Variants in N4BP2L1 observed in about 807,000 individuals in gnomAD.
The protein encoded by N4BP2L1 is NEDD4 binding protein 2 like 1.
N4BP2L1 carries 12 observed loss-of-function variants against 21.2 expected under a neutral mutation model. The observed-to-expected ratio is 0.57, with a 90% CI of 0.36 to 0.92. The LOEUF (loss-of-function observed/expected upper bound fraction) is 0.92, where lower values mean the gene tolerates loss of function less well. N4BP2L1 is among the 40% of genes least tolerant of loss of function. The pLI is 0.01. For missense variants in N4BP2L1, 259 were observed against 310.6 expected, an observed-to-expected ratio of 0.83 and a Z score of 1.25; for synonymous variants, 104 against 112.8, an observed-to-expected ratio of 0.92 and a Z score of 0.49.
chr13:32,424,214 C>A (rs940410926), intron 1 of N4BP2L1, among the ~76,000 whole-genome samples: 4 of 152,184 alleles, frequency 2.6e-5, no homozygotes, highest in Non-Finnish European at 5.9e-5. Flanking sequence ...TACAATGAAG[C>A]CTTCACTTCA....
At chr13:32,417,038 A>C (rs2074186076) in intron 1 of N4BP2L1, among the ~76,000 whole-genome samples, 1 of 152,072 alleles carries the variant, frequency 6.6e-6, no homozygotes, top group East Asian at 1.9e-4. Flanking sequence ...GCTGGTCTCG[A>C]ACTCCTGACC....
intron 4 of N4BP2L1, 177 bp downstream of exon 4, chr13:32,404,144 G>T: frequency 6.2e-7 from 1 of 1,605,630 alleles, no homozygotes; most frequent in South Asian, 1.1e-5. Context: ...TTAGAAAACT[G>T]ACCCAAAACT....
chr13:32,402,811 C>A lies in N4BP2L1; in HGVS notation c.*131G>T. Reference sequence around the variant, plus strand: ...TTGGTGAAGAAAGTGAATATAATGACTTTGCTCAGAAACTTTTGAGTTCAG... The same window carrying A: ...TTGGTGAAGAAAGTGAATATAATGAATTTGCTCAGAAACTTTTGAGTTCAG... On this transcript the variant is annotated 3_prime_UTR_variant, in exon 5 of 5. Coordinates refer to ENST00000380130, the MANE Select transcript of N4BP2L1 (RefSeq NM_052818.3). The A allele has an allele frequency of 7.0e-7, 1 of 1,423,180 alleles. No homozygotes were observed. The highest frequency in any genetic ancestry group is 9.2e-7 in the Non-Finnish European group (1 of 1,085,548). The allele number at this position is 1,423,180 out of a possible 1,614,324, so 88.2% of individuals were successfully genotyped here. A position where few individuals can be genotyped will look rare whatever the true frequency, so the allele number is the denominator to read the frequency against.
At chr13:32,407,874 T>G in intron 1 of N4BP2L1, 102 bp from the exon 2 acceptor site, 1 of 1,330,458 alleles carries the variant, frequency 7.5e-7, no homozygotes. Flanking sequence ...TTTATAATTC[T>G]GAGACCACCA....
At chr13:32,419,995 AG>A (rs1442454574) in intron 1 of N4BP2L1, among the ~76,000 whole-genome samples, 1 of 152,206 alleles carries the variant, frequency 6.6e-6, no homozygotes, top group Non-Finnish European at 1.5e-5. Context: ...GAACCTGGGC[AG>A]TGCTGCCACC....
At chr13:32,412,470 TA>T (rs2073912739) in intron 1 of N4BP2L1, among the ~76,000 whole-genome samples, 1 of 151,782 alleles carries the variant, frequency 6.6e-6, no homozygotes, top group Non-Finnish European at 1.5e-5. Context: ...CTACTAAAAA[TA>T]ACAAACATTA....
At chr13:32,411,632 G>GAA (rs1457691961) in intron 1 of N4BP2L1, 1 of 984,908 alleles carries the variant, frequency 1.0e-6, no homozygotes, top group African/African-American at 1.7e-5. Context: ...AAATAAAAGG[G>GAA]AAAAAATAGA....
intron 1 of N4BP2L1, among the ~76,000 whole-genome samples, chr13:32,412,456 G>T (rs1040152739): frequency 3.3e-5 from 5 of 151,818 alleles, no homozygotes; most frequent in African/African-American, 7.3e-5. Context: ...GCAAAATCCC[G>T]TCTCTACTAA....
rs1188186411 is a variant in N4BP2L1 at position 32,412,196 on chromosome 13, G to T, written c.180-4424C>A. Among the ~76,000 whole-genome samples the T allele has an allele frequency of 2.0e-5, 3 of 151,946 alleles. No homozygotes were observed. In the East Asian group the frequency reaches 5.8e-4, roughly 29 times the overall value. ...TTCTCCCGCCACAACCTTTTAATTA[G>T]AAAATACACAAACCTATGGAAATGA... On this transcript the variant is annotated intron_variant, in intron 1 of 4. Transcript: ENST00000380130.
chr13:32,429,018 G>T (rs1484590829), upstream of N4BP2L1, among the ~76,000 whole-genome samples: 1 of 152,196 alleles, frequency 6.6e-6, no homozygotes, highest in African/African-American at 2.4e-5. Flanking sequence ...CTGCCTGAAA[G>T]AAACAACATT....
rs951831886 is a variant in N4BP2L1, at chr13:32,428,015, T to C, written c.68A>G (p.Gln23Arg). The change falls in exon 1 of 5, where the codon CAG becomes CGG. Residue 23 changes from glutamine to arginine, a missense_variant. By Grantham distance (43) the Gln-to-Arg change is conservative. Coordinates refer to ENST00000380130, the MANE Select transcript of N4BP2L1 (RefSeq NM_052818.3). ...CCGCGGGGGCGGCCGGGGCGGCCGC[T>C]GCCGCTGCTGCTGCTGCTGGGGCTG... ...SLQPQQQQQR[Q>R]RPPRPPPRGT... The C allele has an allele frequency of 2.6e-6, 4 of 1,560,326 alleles. No homozygotes were observed. In the East Asian group the frequency reaches 7.5e-5, roughly 29 times the overall value.
At chr13:32,403,723 TGGA>T (rs1566279460) in intron 4 of N4BP2L1, 1 of 536,208 alleles carries the variant, frequency 1.9e-6, no homozygotes. Flanking sequence ...GCAATTCTGA[TGGA>T]GTAGTCCACA....
chr13:32,401,725 A>T lies in N4BP2L1; in HGVS notation c.*1217T>A. 5.9e-6 allele frequency: 1 copy of T among 168,810 alleles called. No homozygotes were observed. The highest frequency in any genetic ancestry group is 1.2e-5 in the Non-Finnish European group (1 of 82,768). 10.5% of individuals were successfully genotyped at this position (168,810 alleles called of 1,614,324 possible). A position where few individuals can be genotyped will look rare whatever the true frequency, so the allele number is the denominator to read the frequency against. On this transcript the variant is annotated 3_prime_UTR_variant, in exon 5 of 5. Coordinates refer to ENST00000380130, the MANE Select transcript of N4BP2L1 (RefSeq NM_052818.3). ...GAACCAAAAAAAGATCCAATGACAA[A>T]TCCATATAAATGTGATACCATTTAC...
At position 32,428,086 on chromosome 13, in the gene N4BP2L1, C is replaced by T. The variant is rs2074904915; in HGVS notation, c.-4G>A. The T allele has an allele frequency of 1.0e-5, 15 of 1,454,868 alleles. No homozygotes were observed. Among genetic ancestry groups the T allele is most frequent in the South Asian group, 2.9e-5 (2 of 69,200 alleles). The allele number at this position is 1,454,868 out of a possible 1,614,324, so 90.1% of individuals were successfully genotyped here. A position where few individuals can be genotyped will look rare whatever the true frequency, so the allele number is the denominator to read the frequency against. On this transcript the variant is annotated 5_prime_UTR_variant, in exon 1 of 5. Transcript: ENST00000380130. ...ATTGAAGGAAACTGTCCTCCATGGGCAGGAGGGCTGGCTGCGAGAGCCCCG... is the reference window on the plus strand; with the variant it reads ...ATTGAAGGAAACTGTCCTCCATGGGTAGGAGGGCTGGCTGCGAGAGCCCCG...
intron 1 of N4BP2L1, among the ~76,000 whole-genome samples, chr13:32,421,523 C>G (rs930304696): frequency 1.3e-5 from 2 of 152,162 alleles, no homozygotes; most frequent in African/African-American, 4.8e-5. Context: ...ATGAAATCCC[C>G]TGAGTCTCTC....
upstream of N4BP2L1, among the ~76,000 whole-genome samples, chr13:32,428,635 ATCTT>A (rs761114447): frequency 6.6e-6 from 1 of 152,138 alleles, no homozygotes; most frequent in Admixed American, 6.5e-5. Flanking sequence ...TTCTTATTTC[ATCTT>A]TCTTTAGCAG....
At chr13:32,425,349 C>T (rs2074705713) in intron 1 of N4BP2L1, 1 of 152,250 alleles carries the variant, frequency 6.6e-6, no homozygotes. Context: ...TCTATAAACA[C>T]ACAATCCACC....
chr13:32,428,776 T>C (rs986650686), upstream of N4BP2L1, among the ~76,000 whole-genome samples: 10 of 152,384 alleles, frequency 6.6e-5, no homozygotes, highest in East Asian at 1.7e-3. Flanking sequence ...ACCGCCCAGG[T>C]ACCTGCCCTG....
chr13:32,427,993 C>T lies in N4BP2L1; in HGVS notation c.90G>A (p.Pro30=), dbSNP rs113523022. 19 of 1,555,836 alleles carry T rather than the reference C, an allele frequency of 1.2e-5. No individual in the cohort carries two copies. The highest frequency in any genetic ancestry group is 2.0e-5 in the Admixed American group (1 of 49,926). Residue 30 remains proline (P), a synonymous_variant, in exon 1 of 5, where the codon CCG becomes CCA. Transcript: ENST00000380130. Reference sequence around the variant, plus strand: ...TGTGGCGGCGAGGAGGTGTCCCCCGCGGGGGCGGCCGGGGCGGCCGCTGCC... The same window carrying T: ...TGTGGCGGCGAGGAGGTGTCCCCCGTGGGGGCGGCCGGGGCGGCCGCTGCC... ...QQRQRPPRPP[P]RGTPPRRHSF...
Sources: gnomAD v4.1 joint callset for allele counts (sites outside exome capture counted in the v4.1 genomes callset) on GRCh38, gnomAD v4.1.1 for gene constraint, MANE v1.5 for transcripts, NCBI Gene and HGNC (gene_info 2026-07-23, HGNC 2026-07-21) for gene names.